STPG1: variants seen among roughly 807,000 people sequenced by gnomAD.
STPG1 encodes the protein sperm tail PG-rich repeat containing 1, also known as O(6)-methylguanine-induced apoptosis 2.
Under a neutral mutation model 40.1 loss-of-function variants are expected in STPG1, and 33 were observed. The ratio of observed to expected loss-of-function variants is 0.82; its 90% CI spans 0.62 to 1.10. The LOEUF (loss-of-function observed/expected upper bound fraction) is 1.10, where lower values mean the gene tolerates loss of function less well. STPG1 is among the 50% of genes least tolerant of loss of function. STPG1 has a pLI of 0.00. For missense variants in STPG1, 396 were observed against 415.1 expected, an observed-to-expected ratio of 0.95 and a Z score of 0.40; for synonymous variants, 150 against 155.0, an observed-to-expected ratio of 0.97 and a Z score of 0.24.
intron 1 of STPG1, among the ~76,000 whole-genome samples, chr1:24,408,886 T>C (rs1181401135): frequency 6.6e-6 from 1 of 152,272 alleles, no homozygotes; most frequent in Non-Finnish European, 1.5e-5. Context: ...TACTTTATTC[T>C]GTAATCCTCA....
chr1:24,404,562 G>T (rs1449497811), intron 1 of STPG1, among the ~76,000 whole-genome samples: 3 of 152,170 alleles, frequency 2.0e-5, no homozygotes, highest in Non-Finnish European at 4.4e-5. Flanking sequence ...TTCTTTGCGG[G>T]AAGATTTTTA....
At chr1:24,364,718 C>A (rs1344807447) in intron 7 of STPG1, among the ~76,000 whole-genome samples, 1 of 152,146 alleles carries the variant, frequency 6.6e-6, no homozygotes, top group Non-Finnish European at 1.5e-5. Flanking sequence ...AAAGGTCAGG[C>A]TGGATCAAAC....
At chr1:24,405,766 G>A (rs189856168) in intron 1 of STPG1, among the ~76,000 whole-genome samples, 124 of 152,074 alleles carry the variant, frequency 8.2e-4, no homozygotes, top group Admixed American at 1.5e-3. Context: ...TTATCATTAC[G>A]AAATACCCTG....
chr1:24,409,924 A>C (rs1334763202), intron 1 of STPG1, among the ~76,000 whole-genome samples: 3 of 152,200 alleles, frequency 2.0e-5, no homozygotes, highest in African/African-American at 4.8e-5. Flanking sequence ...TGAAAAGGTG[A>C]AAGTTCTTGA....
intron 2 of STPG1, among the ~76,000 whole-genome samples, chr1:24,395,984 A>AG (rs1037263861): frequency 1.6e-5 from 1 of 61,082 alleles, no homozygotes; most frequent in Non-Finnish European, 3.7e-5. Context: ...CTCCATCTCA[A>AG]AAAAAAAAAA....
intron 2 of STPG1, among the ~76,000 whole-genome samples, chr1:24,396,126 A>C (rs1387514613): frequency 2.0e-5 from 3 of 152,238 alleles, no homozygotes; most frequent in African/African-American, 7.2e-5. Context: ...TTCTTCTACT[A>C]TATGTGAAGT....
chr1:24,377,021 G>C (rs1642058125), intron 5 of STPG1, among the ~76,000 whole-genome samples: 1 of 152,018 alleles, frequency 6.6e-6, no homozygotes, highest in Admixed American at 6.5e-5. Flanking sequence ...AGCACTTTGG[G>C]AGGCCGAGGT....
chr1:24,409,440 G>A (rs1382876504), intron 1 of STPG1, among the ~76,000 whole-genome samples: 3 of 152,118 alleles, frequency 2.0e-5, no homozygotes, highest in African/African-American at 7.2e-5. Flanking sequence ...TACTGCCCTA[G>A]CTTTAATAAA....
At chr1:24,387,703 G>C (rs1429048011) in intron 3 of STPG1, among the ~76,000 whole-genome samples, 1 of 152,184 alleles carries the variant, frequency 6.6e-6, no homozygotes, top group East Asian at 1.9e-4. Context: ...TCTTTGAGGG[G>C]TACCTGGCAT....
intron 5 of STPG1, 45 bp from the exon 6 acceptor site, chr1:24,373,855 C>G: frequency 7.2e-7 from 1 of 1,385,968 alleles, no homozygotes. Flanking sequence ...CCTTTCCTTT[C>G]TTTGTCTTCG....
rs563421704 is a variant in STPG1, at chr1:24,366,189, T to G, written c.737+3485A>C. The stretch of plus-strand genomic sequence containing the variant: ...AGACAGATGAGGGCAGGTCTCCCCC[T>G]GCATGGCACGCGTGTGTTCCCGAGA... On this transcript the variant is annotated intron_variant, in intron 7 of 8. Coordinates refer to ENST00000337248, the MANE Select transcript of STPG1 (RefSeq NM_001199013.2). 8.5e-5 allele frequency among the ~76,000 whole-genome samples: 13 copies of G among 152,284 alleles called. No homozygotes were observed. In the East Asian group the frequency reaches 1.7e-3, roughly 20 times the overall value.
chr1:24,413,494 G>A (rs186358063), intron 1 of STPG1, among the ~76,000 whole-genome samples, 180 bp downstream of exon 1: 50 of 152,376 alleles, frequency 3.3e-4, no homozygotes, highest in African/African-American at 1.2e-3. Flanking sequence ...CCCGACGCAG[G>A]GGCAACTCCC....
chr1:24,369,275 T>C, intron 7 of STPG1: 2 of 444,100 alleles, frequency 4.5e-6, no homozygotes, highest in Non-Finnish European at 9.2e-6. Context: ...TAGAACAATG[T>C]CAGCACCAGG....
chr1:24,358,529 CT>C lies in STPG1; in HGVS notation c.*13del. ...GCTGGTGGCTGGAGTTCTCCTTGACCTTGTGTGACATCCCTACAGAACCGGG... is the reference window on the plus strand; with the variant it reads ...GCTGGTGGCTGGAGTTCTCCTTGACCTGTGTGACATCCCTACAGAACCGGG... On this transcript the variant is annotated 3_prime_UTR_variant, in exon 9 of 9. Transcript: ENST00000337248. 1 of 1,609,316 alleles carries C rather than the reference CT, an allele frequency of 6.2e-7. No individual in the cohort carries two copies. The highest frequency in any genetic ancestry group is 8.5e-7 in the Non-Finnish European group (1 of 1,175,566).
chr1:24,413,750 G>T lies in STPG1; in HGVS notation c.-145C>A, dbSNP rs973223891. The T allele has an allele frequency of 6.6e-6, 1 of 152,282 alleles. No individual in the cohort carries two copies. The highest frequency in any genetic ancestry group is 1.5e-5 in the Non-Finnish European group (1 of 68,100). The allele number at this position is 152,282 out of a possible 1,614,324, so 9.4% of individuals were successfully genotyped here. A position where few individuals can be genotyped will look rare whatever the true frequency, so the allele number is the denominator to read the frequency against. ...TGGCACCCACAGGCCTAACATTCGC[G>T]AGTCCACCTTCCGCCGTCCGCGAGG... is the stretch of plus-strand genomic sequence containing the variant. On this transcript the variant is annotated 5_prime_UTR_variant, in exon 1 of 9. Transcript: ENST00000337248.
intron 2 of STPG1, among the ~76,000 whole-genome samples, chr1:24,395,265 G>A (rs1337929899): frequency 6.6e-6 from 1 of 151,692 alleles, no homozygotes; most frequent in East Asian, 1.9e-4. Context: ...AATATTGAAA[G>A]AATCATCAGC....
chr1:24,392,625 GGAT>G (rs1489712236), intron 2 of STPG1, among the ~76,000 whole-genome samples: 1 of 152,142 alleles, frequency 6.6e-6, no homozygotes, highest in African/African-American at 2.4e-5. Flanking sequence ...AGCCATTATT[GGAT>G]CAGGTTAGGA....
At chr1:24,413,338 C>CT (rs1048047601) in intron 1 of STPG1, among the ~76,000 whole-genome samples, 24 of 152,370 alleles carry the variant, frequency 1.6e-4, no homozygotes, top group Admixed American at 1.4e-3. Context: ...CGTCCACCCA[C>CT]TGCCAGGCAC....
intron 7 of STPG1, among the ~76,000 whole-genome samples, 167 bp from the exon 8 acceptor site, chr1:24,361,208 G>A (rs1033590011): frequency 7.9e-5 from 12 of 152,180 alleles, no homozygotes; most frequent in Admixed American, 2.0e-4. Flanking sequence ...GGGACCCCTG[G>A]ATCTGTTTCT....
Sources: gnomAD v4.1 joint callset for allele counts (sites outside exome capture counted in the v4.1 genomes callset) on GRCh38, gnomAD v4.1.1 for gene constraint, MANE v1.5 for transcripts, NCBI Gene and HGNC (gene_info 2026-07-23, HGNC 2026-07-21) for gene names.